Variants in KAT6B observed in about 807,000 individuals in gnomAD.
KAT6B encodes the protein histone acetyltransferase KAT6B.
A neutral mutation model predicts 187.5 loss-of-function variants in KAT6B; 10 were observed. That is an observed-to-expected ratio of 0.05 (90% CI 0.03 to 0.09). KAT6B has a LOEUF of 0.09. KAT6B is among the 10% of genes least tolerant of loss of function. The pLI, the probability that KAT6B is intolerant of heterozygous loss-of-function variation, is 1.00. For missense variants in KAT6B, 1,952 were observed against 2,558.9 expected (o/e 0.76, Z 5.12); for synonymous variants, 861 against 926.8 (o/e 0.93, Z 1.29).
At chr10:74,828,726 C>T (rs1840486200) in intron 1 of KAT6B, among the ~76,000 whole-genome samples, 1 of 151,792 alleles carries the variant, frequency 6.6e-6, no homozygotes, top group Non-Finnish European at 1.5e-5. Context: ...TGCCACCACG[C>T]CCCGCTAATT....
intron 3 of KAT6B, among the ~76,000 whole-genome samples, chr10:74,906,207 C>T (rs1846748669): frequency 6.6e-6 from 1 of 152,098 alleles, no homozygotes; most frequent in African/African-American, 2.4e-5. Context: ...CGAGACCAGC[C>T]TGACCAACAT....
Position 75,031,085 on chromosome 10 carries a change from A to G in KAT6B, c.*39A>G, listed in dbSNP as rs1298143743. The G allele has an allele frequency of 1.9e-6, 3 of 1,609,828 alleles. No homozygotes were observed. Among genetic ancestry groups the G allele is most frequent in the East Asian group, 2.2e-5 (1 of 44,726 alleles). ...TCCACAAAACCTACGGGGCATCACT[A>G]TTGGATTGATCTGCACAAATACCTT... On this transcript the variant is annotated 3_prime_UTR_variant, in exon 18 of 18. Coordinates refer to ENST00000287239, the MANE Select transcript of KAT6B (RefSeq NM_012330.4).
intron 4 of KAT6B, among the ~76,000 whole-genome samples, chr10:74,964,972 C>G (rs1841357526): frequency 6.6e-6 from 1 of 152,218 alleles, no homozygotes; most frequent in Non-Finnish European, 1.5e-5. Context: ...TCAATCTAGG[C>G]TTCACCCTTT....
intron 3 of KAT6B, among the ~76,000 whole-genome samples, chr10:74,917,567 A>G (rs1847782761): frequency 6.6e-6 from 1 of 152,236 alleles, no homozygotes; most frequent in African/African-American, 2.4e-5. Context: ...GAAGGGAGAT[A>G]AATGAATGGA....
intron 3 of KAT6B, among the ~76,000 whole-genome samples, chr10:74,859,106 C>T (rs930331805): frequency 2.0e-5 from 3 of 151,832 alleles, no homozygotes; most frequent in South Asian, 4.2e-4. Flanking sequence ...ATTTAGACAA[C>T]GTCTTGCTCT....
chr10:74,997,484 A>G (rs1843517987), intron 13 of KAT6B, among the ~76,000 whole-genome samples: 1 of 152,228 alleles, frequency 6.6e-6, no homozygotes, highest in African/African-American at 2.4e-5. Context: ...ATTGAGGCAC[A>G]GTTACACAAA....
chr10:74,902,508 T>C (rs1846471897), intron 3 of KAT6B, among the ~76,000 whole-genome samples: 1 of 152,186 alleles, frequency 6.6e-6, no homozygotes, highest in South Asian at 2.1e-4. Flanking sequence ...TTTAAAAAAC[T>C]AATAAAAATA....
At chr10:74,916,676 T>C (rs1478119356) in intron 3 of KAT6B, among the ~76,000 whole-genome samples, 1 of 152,236 alleles carries the variant, frequency 6.6e-6, no homozygotes, top group Non-Finnish European at 1.5e-5. Flanking sequence ...GGCATTCTTC[T>C]TAATTATACT....
chr10:74,947,216 C>T (rs1230244137), intron 3 of KAT6B, among the ~76,000 whole-genome samples: 1 of 152,014 alleles, frequency 6.6e-6, no homozygotes, highest in Non-Finnish European at 1.5e-5. Context: ...AGGCTGGTCT[C>T]GAACTCAAGT....
chr10:75,031,190 AGCTGT>A lies in KAT6B; in HGVS notation c.*145_*149del. 5.5e-6 allele frequency: 5 copies of A among 908,970 alleles called. No homozygotes were observed. Among genetic ancestry groups the A allele is most frequent in the South Asian group, 1.6e-5 (1 of 64,284 alleles). The allele number at this position is 908,970 out of a possible 1,614,324, so 56.3% of individuals were successfully genotyped here. On this transcript the variant is annotated 3_prime_UTR_variant, in exon 18 of 18. Coordinates refer to ENST00000287239, the MANE Select transcript of KAT6B (RefSeq NM_012330.4). ...GCACCATTTATTTAAAAAAAAAAAA[AGCTGT>A]ATGCAGCAGAAAGCCTTATACAAGT...
At chr10:74,971,866 T>C (rs1841867293) in intron 6 of KAT6B, among the ~76,000 whole-genome samples, 1 of 152,148 alleles carries the variant, frequency 6.6e-6, no homozygotes, top group Non-Finnish European at 1.5e-5. Context: ...TAGATAGCTA[T>C]TTGTTCTATC....
At position 74,976,193 on chromosome 10, in the gene KAT6B, A is replaced by C; in HGVS notation, c.1856A>C (p.His619Pro). 2 of 1,614,184 alleles carry C rather than the reference A, an allele frequency of 1.2e-6. No homozygotes were observed. The highest frequency in any genetic ancestry group is 8.5e-7 in the Non-Finnish European group (1 of 1,180,026). Residue 619 changes from histidine (H) to proline (P), a missense_variant, in exon 8 of 18, where the codon CAC becomes CCC. By Grantham distance (77) the His-to-Pro change is moderately conservative. Around this residue, in one of 9 missense-constraint regions of KAT6B, gnomAD observed 417 missense variants for 508.9 expected, o/e 0.82. Transcript: ENST00000287239. ...GGAAGTATTTTTAAAGCAATTGCTC[A>C]CTTCAAGCGAACAACTTTCCTTAAA... ...ARGSIFKAIAHFKRTTFLKKH... is the reference protein window; with the variant it reads ...ARGSIFKAIAPFKRTTFLKKH...
chr10:74,993,029 A>G (rs1323198202), intron 13 of KAT6B, among the ~76,000 whole-genome samples: 1 of 152,086 alleles, frequency 6.6e-6, no homozygotes, highest in Non-Finnish European at 1.5e-5. Flanking sequence ...CTCTGTCTGT[A>G]AAGTCTTTCT....
intron 3 of KAT6B, among the ~76,000 whole-genome samples, chr10:74,866,921 G>A (rs937563729): frequency 6.6e-6 from 1 of 152,206 alleles, no homozygotes; most frequent in African/African-American, 2.4e-5. Context: ...AGTACCACTA[G>A]TGATAGAATC....
chr10:75,012,004 G>A (rs1247421953), intron 13 of KAT6B, among the ~76,000 whole-genome samples: 1 of 152,146 alleles, frequency 6.6e-6, no homozygotes, highest in East Asian at 1.9e-4. Flanking sequence ...GTCCCCCAAG[G>A]CCCTTTCCTT....
chr10:74,908,396 A>G (rs1270387232), intron 3 of KAT6B, among the ~76,000 whole-genome samples: 3 of 152,074 alleles, frequency 2.0e-5, no homozygotes, highest in African/African-American at 7.2e-5. Flanking sequence ...CTCCATCTCT[A>G]CTGAAAATGC....
chr10:74,848,820 C>T (rs773367288), intron 3 of KAT6B, among the ~76,000 whole-genome samples: 2 of 152,098 alleles, frequency 1.3e-5, no homozygotes, highest in Non-Finnish European at 2.9e-5. Context: ...ATTGATTGTA[C>T]TATAATTTCC....
rs374559007 is a variant in KAT6B at position 74,977,594 on chromosome 10, A to G, written c.2115+157A>G. ...CCATTTCTACTGACTGTACATTCAA[A>G]AGCAATGACTTAGTAGAATTGTCGC... On this transcript the variant is annotated intron_variant, in intron 9 of 17. Coordinates refer to ENST00000287239, the MANE Select transcript of KAT6B (RefSeq NM_012330.4). Among the ~76,000 whole-genome samples the G allele has an allele frequency of 7.7e-4, 118 of 152,320 alleles. 1 individual carries two copies. In the Middle Eastern group the frequency reaches 0.014, roughly 18 times the overall value.
chr10:74,856,800 C>T lies in KAT6B; in HGVS notation c.621+13322C>T, dbSNP rs535941685. ...CCTGTAGTCCCAGCTACTTGGGAGA[C>T]TGAGGTAGAAGGATTGCTTGAATCC... On this transcript the variant is annotated intron_variant, in intron 3 of 17. Coordinates refer to ENST00000287239, the MANE Select transcript of KAT6B (RefSeq NM_012330.4). Among the ~76,000 whole-genome samples the T allele has an allele frequency of 3.9e-5, 6 of 152,130 alleles. 1 individual carries two copies. The highest frequency in any genetic ancestry group is 1.4e-4 in the African/African-American group (6 of 41,474).
Sources: allele counts gnomAD v4.1 joint callset (sites outside exome capture counted in the v4.1 genomes callset), GRCh38; gene constraint gnomAD v4.1.1; regional missense constraint gnomAD v4.1.1; transcripts MANE v1.5; gene names NCBI Gene and HGNC (gene_info 2026-07-23, HGNC 2026-07-21).